RALYL: variants seen among roughly 807,000 people sequenced by gnomAD.
RALYL encodes RNA-binding Raly-like protein.
In RALYL, 29 loss-of-function variants were observed where a neutral mutation model predicts 35.1. The observed-to-expected ratio is 0.83, with a 90% confidence interval of 0.61 to 1.13. The LOEUF is 1.13. Among genes scored for constraint, RALYL ranks in the 50% most tolerant of loss-of-function variants. The pLI, the probability that RALYL is intolerant of heterozygous loss-of-function variation, is 0.00. For synonymous variants in RALYL, 120 were observed against 127.6 expected (o/e 0.94, Z 0.40); for missense variants, 359 against 360.4 (o/e 1.00, Z 0.03).
chr8:84,230,337 T>A (rs1399799150), intron 1 of RALYL, among the ~76,000 whole-genome samples: 1 of 152,028 alleles, frequency 6.6e-6, no homozygotes, highest in Non-Finnish European at 1.5e-5. Context: ...TAAAAATAAA[T>A]ATTAATAAAT....
chr8:84,439,249 C>G (rs2048075778), intron 1 of RALYL, among the ~76,000 whole-genome samples: 4 of 152,044 alleles, frequency 2.6e-5, no homozygotes, highest in Admixed American at 2.6e-4. Flanking sequence ...TTTGTGTCAT[C>G]TATGATTTCT....
intron 1 of RALYL, among the ~76,000 whole-genome samples, chr8:84,490,614 GA>G: frequency 6.6e-6 from 1 of 151,980 alleles, no homozygotes; most frequent in East Asian, 1.9e-4. Context: ...GGAGTGTTTG[GA>G]AAAGGTGAAT....
intron 1 of RALYL, among the ~76,000 whole-genome samples, chr8:84,376,019 T>C (rs2131526700): frequency 6.6e-6 from 1 of 151,998 alleles, no homozygotes; most frequent in Admixed American, 6.6e-5. Flanking sequence ...CTAGAGTTAT[T>C]TGAAGAATAA....
chr8:84,651,349 A>T (rs1828781939), intron 2 of RALYL, among the ~76,000 whole-genome samples: 1 of 151,946 alleles, frequency 6.6e-6, no homozygotes, highest in Non-Finnish European at 1.5e-5. Context: ...ATTATACTAT[A>T]ATTAATAACT....
At chr8:84,799,002 G>C (rs1822577057) in intron 3 of RALYL, among the ~76,000 whole-genome samples, 1 of 152,102 alleles carries the variant, frequency 6.6e-6, no homozygotes. Flanking sequence ...TGAACTTTTA[G>C]TTATATTAAT....
chr8:84,591,932 A>C (rs1049567192), intron 2 of RALYL, among the ~76,000 whole-genome samples: 6 of 152,124 alleles, frequency 3.9e-5, no homozygotes, highest in African/African-American at 1.4e-4. Flanking sequence ...TTATTTCTTG[A>C]TAGGACGCCT....
At chr8:84,870,093 T>C (rs1011907397) in intron 6 of RALYL, among the ~76,000 whole-genome samples, 2 of 152,168 alleles carry the variant, frequency 1.3e-5, no homozygotes, top group African/African-American at 4.8e-5. Flanking sequence ...AAAAATAAGC[T>C]AAAGTAATTT....
chr8:84,720,636 AAT>A (rs1388188198), intron 2 of RALYL, among the ~76,000 whole-genome samples: 2 of 152,192 alleles, frequency 1.3e-5, no homozygotes, highest in Non-Finnish European at 2.9e-5. Context: ...AAAGTAGAAA[AAT>A]AGGATTTCAT....
chr8:84,762,394 C>T (rs549715492), intron 2 of RALYL, among the ~76,000 whole-genome samples: 1 of 152,248 alleles, frequency 6.6e-6, no homozygotes, highest in South Asian at 2.1e-4. Flanking sequence ...TTTGTATTCT[C>T]AGTCAAAAGA....
intron 2 of RALYL, among the ~76,000 whole-genome samples, chr8:84,754,022 G>T (rs1050613518): frequency 5.3e-5 from 8 of 151,768 alleles, no homozygotes; most frequent in Non-Finnish European, 1.2e-4. Flanking sequence ...TGAGTTCATT[G>T]TAGATTCTGG....
intron 2 of RALYL, among the ~76,000 whole-genome samples, chr8:84,695,887 A>T (rs1268936341): frequency 6.6e-6 from 1 of 151,776 alleles, no homozygotes; most frequent in African/African-American, 2.4e-5. Flanking sequence ...AATTATTGTT[A>T]CCCATGACTC....
rs1376872378 is a variant in RALYL at position 84,226,176 on chromosome 8, T to C, written c.-24+41752T>C. ...GGAGCGTGAACCCTATTGTCAACTG[T>C]GCATGCAACGGATCTAGGTTGCATG... On this transcript the variant is annotated intron_variant, in intron 1 of 8. Transcript: ENST00000521268. Among the ~76,000 whole-genome samples, 3 of 152,148 alleles carry C rather than the reference T, an allele frequency of 2.0e-5. No homozygotes were observed. In the East Asian group the frequency reaches 5.8e-4, roughly 29 times the overall value.
At chr8:84,787,204 CTG>C (rs1485243501) in intron 3 of RALYL, among the ~76,000 whole-genome samples, 1 of 150,586 alleles carries the variant, frequency 6.6e-6, no homozygotes, top group African/African-American at 2.4e-5. Context: ...GTTCCCCTCT[CTG>C]TGTCCATGTG....
intron 2 of RALYL, among the ~76,000 whole-genome samples, chr8:84,696,790 T>C (rs1354429512): frequency 1.3e-5 from 2 of 152,008 alleles, no homozygotes; most frequent in African/African-American, 4.8e-5. Context: ...ATATTTACTG[T>C]TCACATACTG....
intron 2 of RALYL, among the ~76,000 whole-genome samples, chr8:84,576,458 T>C (rs1458684322): frequency 6.6e-6 from 1 of 152,202 alleles, no homozygotes; most frequent in African/African-American, 2.4e-5. Flanking sequence ...CTAGCTGAAT[T>C]GGGATGGCAG....
chr8:84,827,619 C>T (rs1829994901), intron 4 of RALYL, among the ~76,000 whole-genome samples: 1 of 151,914 alleles, frequency 6.6e-6, no homozygotes. Flanking sequence ...ATAACAGTGC[C>T]ATTATAACCA....
At chr8:84,365,384 A>G (rs894503191) in intron 1 of RALYL, among the ~76,000 whole-genome samples, 3 of 152,202 alleles carry the variant, frequency 2.0e-5, no homozygotes, top group Admixed American at 6.6e-5. Flanking sequence ...GTCCTCATCT[A>G]TAGGATGAAC....
intron 4 of RALYL, among the ~76,000 whole-genome samples, chr8:84,839,550 C>T (rs1450311033): frequency 6.6e-6 from 1 of 152,306 alleles, no homozygotes; most frequent in Non-Finnish European, 1.5e-5. Context: ...GGGCAGGGCA[C>T]AGCCAAACAA....
At chr8:84,192,906 T>G (rs796160131) in intron 1 of RALYL, among the ~76,000 whole-genome samples, 5,542 of 58,308 alleles carry the variant, frequency 0.095, 162 homozygotes, top group African/African-American at 0.14. Flanking sequence ...TGTGTGTGTG[T>G]GGGGGGGGGG....
Sources: allele counts gnomAD v4.1 joint callset (sites outside exome capture counted in the v4.1 genomes callset), GRCh38; gene constraint gnomAD v4.1.1; transcripts MANE v1.5; gene names NCBI Gene and HGNC (gene_info 2026-07-23, HGNC 2026-07-21).